Variants in OR56A3 observed in about 807,000 individuals in gnomAD.
OR56A3 encodes olfactory receptor family 56 subfamily A member 3.
In OR56A3, 23 loss-of-function variants were observed where a neutral mutation model predicts 17.5. That is an observed-to-expected ratio of 1.32 (90% CI 0.95 to 1.87). The LOEUF is 1.87. OR56A3 is among the 40% of genes most tolerant of loss of function. The pLI is 0.00. For synonymous variants in OR56A3, 175 were observed against 150.6 expected, an observed-to-expected ratio of 1.16 and a Z score of -1.19; for missense variants, 366 against 380.1, an observed-to-expected ratio of 0.96 and a Z score of 0.31.
At chr11:5,960,336 T>G in the OR56A3 span, among the ~76,000 whole-genome samples, 39,014 of 149,376 alleles carry the variant, frequency 0.26, 5,031 homozygotes, top group Admixed American at 0.27. Context: ...ACTGCCACCA[T>G]CTCGGCTCAC....
chr11:5,978,047 T>A, the OR56A3 span, among the ~76,000 whole-genome samples: 163 of 152,352 alleles, frequency 1.1e-3, no homozygotes, highest in Middle Eastern at 3.4e-3. Context: ...GGTTTTGTAA[T>A]CTTTTCCATT....
Position 5,947,212 on chromosome 11 carries a change from A to G in OR56A3, c.-36-99A>G, listed in dbSNP as rs1847875117. On this transcript the variant is annotated intron_variant, in intron 2 of 2. Transcript: ENST00000641160. ...AACAGATGAATTCGCTTGGCTCTAC[A>G]TAACCTGCTAGAAACCACAAGTTGT... 3.8e-6 allele frequency: 3 copies of G among 785,274 alleles called. No individual in the cohort carries two copies. The Admixed American group carries it at 8.7e-5, about 23-fold the overall frequency. The allele number at this position is 785,274 out of a possible 1,614,324, so 48.6% of individuals were successfully genotyped here.
the OR56A3 span, among the ~76,000 whole-genome samples, chr11:5,969,825 A>G: frequency 6.6e-6 from 1 of 152,252 alleles, no homozygotes; most frequent in Non-Finnish European, 1.5e-5. Flanking sequence ...TGTTGGCTTC[A>G]GTAGTCCAAT....
Position 5,948,358 on chromosome 11 carries a change from TGG to T in OR56A3, c.*66_*67del. Reference sequence around the variant, plus strand: ...ATTTATTAATCACTTAATGAGTGAGTGGGCTGAAATTCATATCTGTGACTTAT... The same window carrying T: ...ATTTATTAATCACTTAATGAGTGAGTGCTGAAATTCATATCTGTGACTTAT... On this transcript the variant is annotated 3_prime_UTR_variant, in exon 3 of 3. Coordinates refer to ENST00000641160, the MANE Select transcript of OR56A3 (RefSeq NM_001003443.3). 1 of 1,116,484 alleles carries T rather than the reference TGG, an allele frequency of 9.0e-7. No homozygotes were observed. The highest frequency in any genetic ancestry group is 2.0e-4 in the Middle Eastern group (1 of 4,952). The allele number at this position is 1,116,484 out of a possible 1,614,324, so 69.2% of individuals were successfully genotyped here. A position where few individuals can be genotyped will look rare whatever the true frequency, so the allele number is the denominator to read the frequency against.
the OR56A3 span, chr11:6,019,736 T>C: frequency 6.6e-6 from 1 of 152,118 alleles, no homozygotes. Context: ...ACAGCATAAC[T>C]AAGATACTAA....
chr11:5,966,736 G>C, the OR56A3 span, among the ~76,000 whole-genome samples: 1 of 152,126 alleles, frequency 6.6e-6, no homozygotes, highest in Non-Finnish European at 1.5e-5. Flanking sequence ...ACTGAAAGTA[G>C]GATGAGAAAG....
chr11:6,005,083 TC>T, the OR56A3 span, among the ~76,000 whole-genome samples: 1 of 152,168 alleles, frequency 6.6e-6, no homozygotes, highest in Admixed American at 6.5e-5. Context: ...CAATTCTGGC[TC>T]TTATACTGAT....
chr11:6,002,684 C>G, the OR56A3 span: 2 of 1,614,236 alleles, frequency 1.2e-6, no homozygotes. Flanking sequence ...TGATGAACAT[C>G]TGGAGGAAGC....
chr11:5,965,678 G>T, the OR56A3 span, among the ~76,000 whole-genome samples: 1 of 152,134 alleles, frequency 6.6e-6, no homozygotes, highest in Non-Finnish European at 1.5e-5. Context: ...TTGAAGAGAT[G>T]AATAAAACTC....
the OR56A3 span, chr11:6,019,790 A>G: frequency 6.6e-6 from 1 of 152,134 alleles, no homozygotes; most frequent in Non-Finnish European, 1.5e-5. Context: ...TTAAGCCAAA[A>G]GTGAATGTCA....
the OR56A3 span, among the ~76,000 whole-genome samples, chr11:5,962,835 C>T: frequency 4.6e-5 from 7 of 152,120 alleles, no homozygotes; most frequent in Non-Finnish European, 8.8e-5. Flanking sequence ...ACCGTCTGGG[C>T]TTTTCTTTAG....
chr11:6,018,805 G>T, the OR56A3 span, among the ~76,000 whole-genome samples: 1 of 151,862 alleles, frequency 6.6e-6, no homozygotes, highest in East Asian at 1.9e-4. Flanking sequence ...AAAAGAAAAA[G>T]AGAGAAGATG....
At chr11:5,994,367 C>T in the OR56A3 span, 2 of 702,038 alleles carry the variant, frequency 2.8e-6, no homozygotes, top group Non-Finnish European at 5.3e-6. Flanking sequence ...AGTACTTGTC[C>T]AGCTTCTCTC....
chr11:5,960,205 T>C, the OR56A3 span, among the ~76,000 whole-genome samples: 1 of 152,198 alleles, frequency 6.6e-6, no homozygotes, highest in Admixed American at 6.5e-5. Flanking sequence ...AGACTGTCGT[T>C]GGTACTTTGA....
At chr11:5,952,652 A>C (rs10742859), downstream of OR56A3, among the ~76,000 whole-genome samples, 34,889 of 151,988 alleles carry the variant, frequency 0.23, 4,172 homozygotes, top group East Asian at 0.29. Context: ...AATAATAAAT[A>C]AGTAATAAAA....
the OR56A3 span, among the ~76,000 whole-genome samples, chr11:6,013,878 C>A: frequency 1.3e-5 from 2 of 152,182 alleles, no homozygotes; most frequent in African/African-American, 4.8e-5. Flanking sequence ...ACACTCCCAG[C>A]AACCTGTGCA....
At chr11:5,953,332 C>T (rs115439299), downstream of OR56A3, among the ~76,000 whole-genome samples, 1,228 of 152,224 alleles carry the variant, frequency 8.1e-3, 20 homozygotes, top group African/African-American at 0.028. Flanking sequence ...TTTGACTTAA[C>T]AACAGCCATT....
At chr11:5,980,368 T>C in the OR56A3 span, among the ~76,000 whole-genome samples, 2 of 152,184 alleles carry the variant, frequency 1.3e-5, no homozygotes, top group African/African-American at 4.8e-5. Flanking sequence ...TGCTCAGTGT[T>C]GGGTGCATAT....
chr11:5,967,539 A>T, the OR56A3 span: 1 of 1,517,418 alleles, frequency 6.6e-7, no homozygotes, highest in African/African-American at 1.4e-5. Context: ...GTCAGGTTGC[A>T]TTCATTTTAT....
Sources: gnomAD v4.1 joint callset for allele counts (sites outside exome capture counted in the v4.1 genomes callset) on GRCh38, gnomAD v4.1.1 for gene constraint, MANE v1.5 for transcripts, NCBI Gene and HGNC (gene_info 2026-07-23, HGNC 2026-07-21) for gene names.